Variants in NPAS3 observed in about 807,000 individuals in gnomAD.
The protein encoded by NPAS3 is neuronal PAS domain-containing protein 3.
Under a neutral mutation model 73.1 loss-of-function variants are expected in NPAS3, and 14 were observed. The observed-to-expected ratio is 0.19, with a 90% CI of 0.13 to 0.30. The LOEUF (loss-of-function observed/expected upper bound fraction) is 0.30. NPAS3 is among the 10% of genes least tolerant of loss of function. The probability of loss-of-function intolerance (pLI) is 1.00; values close to 1 mark genes in which losing one functional copy is unlikely to be tolerated. For missense variants in NPAS3, 1,096 were observed against 1,250.0 expected, an observed-to-expected ratio of 0.88 and a Z score of 1.86; for synonymous variants, 620 against 541.5, an observed-to-expected ratio of 1.14 and a Z score of -2.01.
chr14:33,121,982 C>T (rs2043247662), intron 2 of NPAS3, among the ~76,000 whole-genome samples: 1 of 152,126 alleles, frequency 6.6e-6, no homozygotes, highest in Admixed American at 6.5e-5. Flanking sequence ...GTGTATTTTA[C>T]TTACAGTGTA....
intron 4 of NPAS3, among the ~76,000 whole-genome samples, chr14:33,382,000 G>GA (rs2046575009): frequency 6.6e-6 from 1 of 152,182 alleles, no homozygotes; most frequent in South Asian, 2.1e-4. Context: ...TGAAAGAGGG[G>GA]AAAATCATTT....
At chr14:33,420,952 G>A (rs189265937) in intron 4 of NPAS3, among the ~76,000 whole-genome samples, 1 of 152,038 alleles carries the variant, frequency 6.6e-6, no homozygotes, top group East Asian at 1.9e-4. Context: ...GTCAGTCATT[G>A]TGACAAGCCA....
intron 4 of NPAS3, among the ~76,000 whole-genome samples, chr14:33,440,106 A>G (rs536691012): frequency 7.6e-5 from 11 of 144,364 alleles, no homozygotes; most frequent in Non-Finnish European, 1.7e-4. Flanking sequence ...ACAGAGTGAC[A>G]GTCTGTCTCA....
At chr14:33,462,346 G>T (rs555792224) in intron 4 of NPAS3, among the ~76,000 whole-genome samples, 42 of 152,252 alleles carry the variant, frequency 2.8e-4, no homozygotes, top group African/African-American at 9.4e-4. Context: ...TCTCCTTCTG[G>T]GCACAAGGAT....
intron 4 of NPAS3, among the ~76,000 whole-genome samples, chr14:33,499,755 T>C (rs1198963787): frequency 6.6e-6 from 1 of 152,006 alleles, no homozygotes; most frequent in Non-Finnish European, 1.5e-5. Context: ...ATTTGCAGGC[T>C]GAACAGCGCC....
intron 4 of NPAS3, among the ~76,000 whole-genome samples, chr14:33,511,444 T>C (rs1271326114): frequency 6.6e-6 from 1 of 151,994 alleles, no homozygotes; most frequent in East Asian, 1.9e-4. Context: ...ATTTAATCAA[T>C]AAAGAGAAAG....
chr14:33,801,127 G>C, downstream of NPAS3: 3 of 1,557,076 alleles, frequency 1.9e-6, no homozygotes, highest in South Asian at 3.6e-5. Flanking sequence ...CCCGTCCTGG[G>C]CCCGGCCAGG....
chr14:33,526,141 G>T (rs552146430), intron 4 of NPAS3, among the ~76,000 whole-genome samples: 8 of 152,152 alleles, frequency 5.3e-5, no homozygotes, highest in South Asian at 2.1e-4. Flanking sequence ...AGAACTTACC[G>T]GGAGTACCTG....
chr14:33,769,755 TC>T (rs1339903754), intron 7 of NPAS3, among the ~76,000 whole-genome samples: 9 of 109,658 alleles, frequency 8.2e-5, no homozygotes, highest in Non-Finnish European at 1.4e-4. Flanking sequence ...ATTTTTTTTT[TC>T]TTTTTTTTTT....
chr14:33,125,065 T>G (rs1028965723), intron 2 of NPAS3, among the ~76,000 whole-genome samples: 4 of 152,058 alleles, frequency 2.6e-5, no homozygotes, highest in South Asian at 2.1e-4. Flanking sequence ...GAAATATGTG[T>G]TCTTTTTCCC....
At chr14:33,097,157 C>T (rs115931184) in intron 2 of NPAS3, among the ~76,000 whole-genome samples, 2,860 of 152,008 alleles carry the variant, frequency 0.019, 85 homozygotes, top group African/African-American at 0.066. Flanking sequence ...GCAGGAGGAT[C>T]GCCTGAGCCC....
At chr14:33,680,613 C>G (rs1216388721) in intron 6 of NPAS3, 4 of 702,600 alleles carry the variant, frequency 5.7e-6, no homozygotes, top group Non-Finnish European at 1.0e-5. Context: ...TGGTTTGCTT[C>G]CCACCAGCGA....
At chr14:33,795,427 T>C (rs2063483385) in intron 10 of NPAS3, among the ~76,000 whole-genome samples, 2 of 152,188 alleles carry the variant, frequency 1.3e-5, no homozygotes. Context: ...TAGAGTTTTA[T>C]GGAATAATTA....
chr14:33,466,334 C>G (rs1222837863), intron 4 of NPAS3, among the ~76,000 whole-genome samples: 6 of 152,168 alleles, frequency 3.9e-5, no homozygotes, highest in Non-Finnish European at 8.8e-5. Flanking sequence ...TAGAAAAACA[C>G]AGATGCTAGA....
intron 5 of NPAS3, among the ~76,000 whole-genome samples, chr14:33,668,209 C>CAACAGTATCACTCTTAAACA (rs1385821592): frequency 3.9e-5 from 6 of 152,150 alleles, no homozygotes; most frequent in African/African-American, 1.2e-4. Flanking sequence ...TTTTTTCGCG[C>CAACAGTATCACTCTTAAACA]AACAGTATCA....
At chr14:33,451,937 G>A (rs1313058872) in intron 4 of NPAS3, among the ~76,000 whole-genome samples, 1 of 152,164 alleles carries the variant, frequency 6.6e-6, no homozygotes, top group African/African-American at 2.4e-5. Flanking sequence ...TATGGGCTTT[G>A]ATTTCAGGTG....
intron 6 of NPAS3, among the ~76,000 whole-genome samples, chr14:33,685,145 C>CAAGGAAATACAAGACATA: frequency 6.6e-6 from 1 of 152,082 alleles, no homozygotes; most frequent in Non-Finnish European, 1.5e-5. Context: ...ATACAAAACA[C>CAAGGAAATACAAGACATA]CAAGGAAATA....
chr14:33,001,143 A>T (rs1192760155), intron 1 of NPAS3, among the ~76,000 whole-genome samples: 1 of 152,168 alleles, frequency 6.6e-6, no homozygotes, highest in African/African-American at 2.4e-5. Flanking sequence ...TTATTCAGGG[A>T]TGCAGGTTTG....
intron 6 of NPAS3, among the ~76,000 whole-genome samples, chr14:33,733,453 G>A (rs562799769): frequency 9.2e-5 from 14 of 152,036 alleles, no homozygotes; most frequent in Admixed American, 2.6e-4. Flanking sequence ...AAGCATTTAC[G>A]TTTAAGTTTT....
Sources: allele counts gnomAD v4.1 joint callset (sites outside exome capture counted in the v4.1 genomes callset), GRCh38; gene constraint gnomAD v4.1.1; transcripts MANE v1.5; gene names NCBI Gene and HGNC (gene_info 2026-07-23, HGNC 2026-07-21).